Variants in ARHGEF7 observed in about 807,000 individuals in gnomAD.
The protein encoded by ARHGEF7 is Rho guanine nucleotide exchange factor 7, also known as PAK-interacting exchange factor beta.
ARHGEF7 carries 33 observed loss-of-function variants against 109.8 expected under a neutral mutation model. The ratio of observed to expected loss-of-function variants is 0.30; its 90% confidence interval spans 0.23 to 0.40. ARHGEF7 has a LOEUF of 0.40. Ranked by LOEUF, ARHGEF7 falls within the 10% of genes least tolerant of loss-of-function variation. The pLI is 1.00. For missense variants in ARHGEF7, 938 were observed against 1,098.5 expected (o/e 0.85, Z 2.07); for synonymous variants, 458 against 424.6 (o/e 1.08, Z -0.97).
chr13:111,225,723 C>G (rs1167361096), intron 5 of ARHGEF7, among the ~76,000 whole-genome samples: 2 of 152,034 alleles, frequency 1.3e-5, no homozygotes, highest in Non-Finnish European at 2.9e-5. Flanking sequence ...TGAACCATGC[C>G]CATGTAAGAT....
chr13:111,299,070 A>C (rs1275188284), intron 19 of ARHGEF7, among the ~76,000 whole-genome samples: 2 of 152,156 alleles, frequency 1.3e-5, no homozygotes, highest in Admixed American at 1.3e-4. Flanking sequence ...ATGAAGGAGC[A>C]GTGTCTTGAT....
chr13:111,276,596 GAGTGGTTCTGA>G (rs1191723767), intron 12 of ARHGEF7, among the ~76,000 whole-genome samples: 16 of 152,208 alleles, frequency 1.1e-4, no homozygotes, highest in African/African-American at 3.9e-4. Context: ...AAATGCTTCA[GAGTGGTTCTGA>G]TCACGACTGA....
At chr13:111,235,382 G>C (rs756170251) in intron 6 of ARHGEF7, among the ~76,000 whole-genome samples, 10 of 151,886 alleles carry the variant, frequency 6.6e-5, no homozygotes, top group Non-Finnish European at 1.5e-4. Flanking sequence ...TACCTTTTTC[G>C]TTTTCCTTCT....
chr13:111,217,642 T>C, intron 4 of ARHGEF7, 37 bp from the exon 5 acceptor site: 1 of 1,548,674 alleles, frequency 6.5e-7, no homozygotes, highest in Non-Finnish European at 8.9e-7. Context: ...AGACTGTTCT[T>C]GGTATAATTT....
At chr13:111,126,176 A>C (rs2067543363) in intron 1 of ARHGEF7, among the ~76,000 whole-genome samples, 1 of 152,232 alleles carries the variant, frequency 6.6e-6, no homozygotes, top group African/African-American at 2.4e-5. Flanking sequence ...CTATTTGTTA[A>C]GGATTTTTGT....
intron 2 of ARHGEF7, among the ~76,000 whole-genome samples, chr13:111,185,947 G>C (rs1331484296): frequency 1.4e-5 from 2 of 144,510 alleles, no homozygotes; most frequent in South Asian, 2.2e-4. Flanking sequence ...TTGTCACACT[G>C]TCTTTTGGGA....
chr13:111,265,147 AG>A (rs148473493), intron 8 of ARHGEF7, among the ~76,000 whole-genome samples: 7 of 147,186 alleles, frequency 4.8e-5, no homozygotes, highest in Non-Finnish European at 9.0e-5. Flanking sequence ...AAAAAAAAAA[AG>A]AAGACCCATT....
chr13:111,286,107 G>C (rs144315828), intron 16 of ARHGEF7, 40 bp from the exon 17 acceptor site: 610 of 1,518,998 alleles, frequency 4.0e-4, no homozygotes, highest in Admixed American at 5.6e-4. Context: ...AAAATGATTG[G>C]CTTTAGAGTA....
At chr13:111,116,025 G>A (rs1278417958) in intron 1 of ARHGEF7, among the ~76,000 whole-genome samples, 1 of 152,272 alleles carries the variant, frequency 6.6e-6, no homozygotes, top group African/African-American at 2.4e-5. Flanking sequence ...GGCCGGCCCC[G>A]CTCCCTGGCA....
chr13:111,280,237 T>G, intron 13 of ARHGEF7, 35 bp from the exon 14 acceptor site: 4 of 1,552,118 alleles, frequency 2.6e-6, no homozygotes, highest in Non-Finnish European at 3.5e-6. Context: ...AAAGCACTAA[T>G]TGTTTTTTTT....
intron 2 of ARHGEF7, among the ~76,000 whole-genome samples, chr13:111,192,719 AGGGT>A (rs781479156): frequency 1 from 152,315 of 152,316 alleles, 76,157 homozygotes; most frequent in Non-Finnish European, 1. Context: ...GCGCCCTGGA[AGGGT>A]ACCGAGTTAC....
intron 19 of ARHGEF7, chr13:111,293,697 C>T: frequency 1.0e-6 from 1 of 985,388 alleles, no homozygotes; most frequent in African/African-American, 1.7e-5. Flanking sequence ...AACAAGATGC[C>T]ATAGTAAATT....
At chr13:111,225,270 G>A (rs2085039665) in intron 5 of ARHGEF7, among the ~76,000 whole-genome samples, 1 of 152,086 alleles carries the variant, frequency 6.6e-6, no homozygotes, top group South Asian at 2.1e-4. Context: ...TTGCATTTAT[G>A]CTTAAGTAAT....
chr13:111,215,677 G>A (rs1566848493), intron 4 of ARHGEF7, among the ~76,000 whole-genome samples: 2 of 152,156 alleles, frequency 1.3e-5, no homozygotes, highest in Admixed American at 6.5e-5. Flanking sequence ...TTTGCAGGTT[G>A]CAGATCTAGT....
chr13:111,265,620 A>G (rs992719468), intron 8 of ARHGEF7: 1 of 456,764 alleles, frequency 2.2e-6, no homozygotes, highest in South Asian at 1.5e-5. Flanking sequence ...GCCAGCAGAC[A>G]CATTTGGGAG....
At chr13:111,275,392 C>G (rs1372399621) in intron 11 of ARHGEF7, 140 bp from the exon 12 acceptor site, 3 of 980,414 alleles carry the variant, frequency 3.1e-6, no homozygotes, top group Middle Eastern at 3.4e-4. Context: ...TATAATTAAG[C>G]AAATCGCTCA....
chr13:111,263,628 G>A (rs1041671005), intron 8 of ARHGEF7, among the ~76,000 whole-genome samples: 18 of 152,166 alleles, frequency 1.2e-4, no homozygotes, highest in Non-Finnish European at 1.5e-5. Flanking sequence ...AGTGTTTTCT[G>A]TGCGTATACC....
At chr13:111,287,342 G>A (rs769498178) in intron 17 of ARHGEF7, among the ~76,000 whole-genome samples, 92 of 152,334 alleles carry the variant, frequency 6.0e-4, no homozygotes, top group Non-Finnish European at 3.7e-4. Context: ...TGAGAGGGCT[G>A]TTCTGTGGGC....
intron 19 of ARHGEF7, chr13:111,295,276 C>A: frequency 2.3e-6 from 2 of 867,540 alleles, no homozygotes; most frequent in Non-Finnish European, 1.4e-6. Context: ...TCTACCTGAA[C>A]GGAACATCTT....
Sources: allele counts gnomAD v4.1 joint callset (sites outside exome capture counted in the v4.1 genomes callset), GRCh38; gene constraint gnomAD v4.1.1; transcripts MANE v1.5; gene names NCBI Gene and HGNC (gene_info 2026-07-23, HGNC 2026-07-21).